Variants in DEGS1 observed in about 807,000 individuals in gnomAD.
DEGS1 encodes the protein delta 4-desaturase, sphingolipid 1.
Under a neutral mutation model 24.1 loss-of-function variants are expected in DEGS1, and 17 were observed. That is an observed-to-expected ratio of 0.70 (90% CI 0.48 to 1.06). The LOEUF (loss-of-function observed/expected upper bound fraction) is 1.06, where lower values mean the gene tolerates loss of function less well. Ranked by LOEUF, DEGS1 falls within the 50% of genes least tolerant of loss-of-function variation. The probability of loss-of-function intolerance (pLI) is 0.00; values close to 1 mark genes in which losing one functional copy is unlikely to be tolerated. For missense variants in DEGS1, 366 were observed against 408.9 expected (o/e 0.90, Z 0.91); for synonymous variants, 134 against 140.0 (o/e 0.96, Z 0.30).
At chr1:224,185,270 GGCGTAA>G (rs1658351125) in intron 1 of DEGS1, among the ~76,000 whole-genome samples, 2 of 151,954 alleles carry the variant, frequency 1.3e-5, no homozygotes, top group Non-Finnish European at 1.5e-5. Flanking sequence ...GGATTTTAAA[GGCGTAA>G]GCCACTGCAC....
At chr1:224,186,581 C>T (rs1357833321) in intron 1 of DEGS1, among the ~76,000 whole-genome samples, 1 of 152,004 alleles carries the variant, frequency 6.6e-6, no homozygotes, top group African/African-American at 2.4e-5. Flanking sequence ...GGCGTGGCGG[C>T]AGCCACCTGT....
At position 224,186,708 on chromosome 1, in the gene DEGS1, G is replaced by A. The variant is rs868531117; in HGVS notation, c.83-2869G>A. Among the ~76,000 whole-genome samples the A allele has an allele frequency of 4.1e-3, 392 of 94,672 alleles. 1 individual carries two copies. Among genetic ancestry groups the A allele is most frequent in the African/African-American group, 0.015 (368 of 24,874 alleles). The allele number at this position is 94,672 out of a possible 152,430, so 62.1% of individuals were successfully genotyped here. A position where few individuals can be genotyped will look rare whatever the true frequency, so the allele number is the denominator to read the frequency against. Reference sequence around the variant, plus strand: ...AGCCTGGGCGACAGAGTGAGCCTCCGTCTCAAAAAAAAAAAAAAAAAAAAA... The same window carrying A: ...AGCCTGGGCGACAGAGTGAGCCTCCATCTCAAAAAAAAAAAAAAAAAAAAA... On this transcript the variant is annotated intron_variant, in intron 1 of 2. Transcript: ENST00000323699.
At position 224,190,061 on chromosome 1, in the gene DEGS1, T is replaced by C; in HGVS notation, c.567T>C (p.Asn189=). ...CAATTACGTATCTGGAAGTTATCAA[T>C]ACCGTGGCACAGGTCACTTTTGACA... ...PKPITYLEVI[N]TVAQVTFDIL... Residue 189 remains asparagine (N), a synonymous_variant, in exon 2 of 3, where the codon AAT becomes AAC. Coordinates refer to ENST00000323699, the MANE Select transcript of DEGS1 (RefSeq NM_003676.4). The C allele has an allele frequency of 6.2e-7, 1 of 1,614,240 alleles. No individual in the cohort carries two copies. The highest frequency in any genetic ancestry group is 8.5e-7 in the Non-Finnish European group (1 of 1,180,044).
At chr1:224,189,216 GTATAT>G (rs1252066912) in intron 1 of DEGS1, among the ~76,000 whole-genome samples, 1 of 152,172 alleles carries the variant, frequency 6.6e-6, no homozygotes, top group Non-Finnish European at 1.5e-5. Context: ...ACTACAAAAT[GTATAT>G]TATATTCTAT....
At chr1:224,185,026 C>CAGAT (rs34272814) in intron 1 of DEGS1, among the ~76,000 whole-genome samples, 100,979 of 151,256 alleles carry the variant, frequency 0.67, 33,811 homozygotes, top group Non-Finnish European at 0.69. Context: ...ATTGAGGAAA[C>CAGAT]GGTGAGTTGA....
At chr1:224,183,517 G>A (rs1015749484) in intron 1 of DEGS1, 99 bp downstream of exon 1, 24 of 955,334 alleles carry the variant, frequency 2.5e-5, no homozygotes, top group Non-Finnish European at 3.0e-5. Flanking sequence ...GGCGCCGGAG[G>A]CCCGTTAGCA....
chr1:224,187,955 AT>A (rs35997275), intron 1 of DEGS1, among the ~76,000 whole-genome samples: 67,388 of 148,280 alleles, frequency 0.45, 15,956 homozygotes, highest in South Asian at 0.54. Flanking sequence ...CATAATATAA[AT>A]TTTTTTTTTT....
intron 1 of DEGS1, among the ~76,000 whole-genome samples, chr1:224,189,154 A>G (rs1001338742): frequency 1.1e-4 from 16 of 152,186 alleles, no homozygotes. Flanking sequence ...TACTTGGAGC[A>G]TGTTGATTTG....
chr1:224,190,598 T>C (rs953688785), intron 2 of DEGS1, among the ~76,000 whole-genome samples: 5 of 147,424 alleles, frequency 3.4e-5, no homozygotes, highest in African/African-American at 1.3e-4. Context: ...AAGCAGTTCA[T>C]TAAAAAAAAA....
chr1:224,186,732 AAAG>A (rs1572041213), intron 1 of DEGS1, among the ~76,000 whole-genome samples: 2 of 151,578 alleles, frequency 1.3e-5, no homozygotes, highest in East Asian at 1.9e-4. Context: ...AAAAAAAAAA[AAAG>A]AAGGACTACA....
In DEGS1 at chr1:224,190,097, T is replaced by C. The variant is rs1658498651; in HGVS notation, c.603T>C (p.Tyr201=). Residue 201 remains tyrosine (Y), a synonymous_variant, in exon 2 of 3, where the codon TAT becomes TAC. Transcript: ENST00000323699. ...VAQVTFDILI[Y]YFLGIKSLVY... ...AGGTCACTTTTGACATTTTAATTTA[T>C]TACTTTTTGGGAATTAAATCCTTAG... 6.2e-7 allele frequency: 1 copy of C among 1,613,734 alleles called. No homozygotes were observed. The highest frequency in any genetic ancestry group is 8.5e-7 in the Non-Finnish European group (1 of 1,179,916).
intron 1 of DEGS1, among the ~76,000 whole-genome samples, chr1:224,187,604 C>G (rs1658429130): frequency 6.6e-6 from 1 of 152,172 alleles, no homozygotes; most frequent in African/African-American, 2.4e-5. Flanking sequence ...GTCTTTGTGC[C>G]TCAGCCTCCC....
intron 1 of DEGS1, among the ~76,000 whole-genome samples, chr1:224,187,311 A>T (rs573547917): frequency 1.8e-3 from 274 of 152,280 alleles, no homozygotes; most frequent in African/African-American, 6.2e-3. Context: ...CCGTCTCAAA[A>T]AAAAAAAAGA....
In DEGS1 at chr1:224,187,114, T is replaced by C. The variant is rs527751906; in HGVS notation, c.83-2463T>C. On this transcript the variant is annotated intron_variant, in intron 1 of 2. Coordinates refer to ENST00000323699, the MANE Select transcript of DEGS1 (RefSeq NM_003676.4). ...CCTGAGGTCAGGAGTTCAAGACCAG[T>C]CTGGCCAACATGGTGAAACCCCGTC... Among the ~76,000 whole-genome samples, 28 of 151,962 alleles carry C rather than the reference T, an allele frequency of 1.8e-4. No individual in the cohort carries two copies. In the East Asian group the frequency reaches 4.7e-3, roughly 25 times the overall value.
chr1:224,192,210 G>T, intron 2 of DEGS1, 122 bp from the exon 3 acceptor site: 10 of 682,298 alleles, frequency 1.5e-5, no homozygotes, highest in Non-Finnish European at 2.3e-5. Flanking sequence ...TTTTTTAAGA[G>T]AGAGGAGGGA....
intron 1 of DEGS1, among the ~76,000 whole-genome samples, chr1:224,185,736 C>T (rs970759645): frequency 1.3e-5 from 2 of 152,096 alleles, no homozygotes; most frequent in Non-Finnish European, 2.9e-5. Flanking sequence ...TCAGATGATG[C>T]GCCTGCCATG....
chr1:224,193,237 A>ACTT lies in DEGS1; in HGVS notation c.*760_*762dup, dbSNP rs1658592363. 1.3e-5 allele frequency: 2 copies of ACTT among 152,158 alleles called. No homozygotes were observed. Among genetic ancestry groups the ACTT allele is most frequent in the Admixed American group, 1.3e-4 (2 of 15,256 alleles). The allele number at this position is 152,158 out of a possible 1,614,324, so 9.4% of individuals were successfully genotyped here. The stretch of plus-strand genomic sequence containing the variant: ...ATATGGTAACTTGGGTACCGGGGGA[A>ACTT]CTTTAAAATTTCATCTCAAAAATAA... On this transcript the variant is annotated 3_prime_UTR_variant, in exon 3 of 3. Coordinates refer to ENST00000323699, the MANE Select transcript of DEGS1 (RefSeq NM_003676.4).
At chr1:224,190,769 C>T (rs1658517791) in intron 2 of DEGS1, among the ~76,000 whole-genome samples, 1 of 151,846 alleles carries the variant, frequency 6.6e-6, no homozygotes, top group South Asian at 2.1e-4. Context: ...GCCCTGTCAC[C>T]TAGTCTAGAG....
chr1:224,192,280 A>G, intron 2 of DEGS1, 52 bp from the exon 3 acceptor site: 2 of 1,537,298 alleles, frequency 1.3e-6, no homozygotes, highest in Admixed American at 2.0e-5. Context: ...GTCATCTTTG[A>G]AAGAACCTAG....
Sources: gnomAD v4.1 joint callset for allele counts (sites outside exome capture counted in the v4.1 genomes callset) on GRCh38, gnomAD v4.1.1 for gene constraint, MANE v1.5 for transcripts, NCBI Gene and HGNC (gene_info 2026-07-23, HGNC 2026-07-21) for gene names.